The following SDK1 variants were observed in gnomAD, a reference collection of about 807,000 sequenced individuals.
The protein encoded by SDK1 is sidekick cell adhesion molecule 1.
In SDK1, 157 loss-of-function variants were observed where a neutral mutation model predicts 245.5. The ratio of observed to expected loss-of-function variants is 0.64; its 90% confidence interval spans 0.56 to 0.73. The LOEUF is 0.73. Among genes scored for constraint, SDK1 ranks in the 30% least tolerant of loss-of-function variants. SDK1 has a pLI of 0.00. For missense variants in SDK1, 3,583 were observed against 3,002.3 expected, an observed-to-expected ratio of 1.19 and a Z score of -4.52; for synonymous variants, 1,647 against 1,278.5, an observed-to-expected ratio of 1.29 and a Z score of -6.15.
intron 14 of SDK1, among the ~76,000 whole-genome samples, chr7:3,987,880 A>G (rs531524269): frequency 6.6e-6 from 1 of 151,968 alleles, no homozygotes; most frequent in Non-Finnish European, 1.5e-5. Context: ...TTCTCTTCCC[A>G]GCTGGCTGGG....
chr7:3,606,904 A>G (rs1781442460), intron 1 of SDK1, among the ~76,000 whole-genome samples: 1 of 152,224 alleles, frequency 6.6e-6, no homozygotes, highest in South Asian at 2.1e-4. Context: ...AAAGTTATGT[A>G]CAACACTGAA....
At chr7:3,974,566 T>C (rs965529074) in intron 13 of SDK1, 21 bp downstream of exon 13, 1 of 1,606,918 alleles carries the variant, frequency 6.2e-7, no homozygotes, top group Non-Finnish European at 8.5e-7. Flanking sequence ...AGACGTTTGG[T>C]GTTAGCCAGT....
intron 1 of SDK1, among the ~76,000 whole-genome samples, chr7:3,356,872 A>G (rs917899226): frequency 2.6e-5 from 4 of 151,974 alleles, no homozygotes; most frequent in Admixed American, 6.6e-5. Flanking sequence ...CCTGACCAAC[A>G]TGGTGAAACC....
rs35098340 is a variant in SDK1 at position 3,320,817 on chromosome 7, CA to C, written c.298+18940del. Among the ~76,000 whole-genome samples the C allele has an allele frequency of 2.0e-5, 3 of 151,750 alleles. No homozygotes were observed. The South Asian group carries it at 6.3e-4, about 32-fold the overall frequency. ...TTTATAATATAGTGATAAGCTTGAC[CA>C]AAAAAATGTTTAACAATTTTGGTAT... On this transcript the variant is annotated intron_variant, in intron 1 of 44. Transcript: ENST00000404826.
chr7:3,618,784 G>T (rs1013608672), intron 1 of SDK1, among the ~76,000 whole-genome samples: 4 of 152,220 alleles, frequency 2.6e-5, no homozygotes, highest in Non-Finnish European at 5.9e-5. Context: ...TATGTACAGG[G>T]ATTGTCCGAT....
rs577558550 is a variant in SDK1, at chr7:3,362,985, C to G, written c.298+61101C>G. ...AAATAATACAGAGAAATCCTCTGCC[C>G]CCTTCATCAGTTTCCCCTTATGGTG... On this transcript the variant is annotated intron_variant, in intron 1 of 44. Transcript: ENST00000404826. Among the ~76,000 whole-genome samples the G allele has an allele frequency of 4.6e-5, 7 of 152,226 alleles. No homozygotes were observed. In the South Asian group the frequency reaches 1.4e-3, roughly 32 times the overall value.
chr7:4,130,404 C>T (rs917481623), intron 27 of SDK1: 33 of 378,778 alleles, frequency 8.7e-5, no homozygotes, highest in African/African-American at 5.3e-4. Context: ...CAGCTGTGGA[C>T]GCTCCTCTTG....
intron 1 of SDK1, among the ~76,000 whole-genome samples, chr7:3,572,628 G>A (rs1160651667): frequency 2.6e-5 from 4 of 151,956 alleles, no homozygotes; most frequent in African/African-American, 9.7e-5. Context: ...ATTCTGACGA[G>A]CTTTACTCAG....
chr7:4,237,413 A>T (rs923000521), intron 41 of SDK1, among the ~76,000 whole-genome samples: 2 of 152,034 alleles, frequency 1.3e-5, no homozygotes, highest in African/African-American at 2.4e-5. Flanking sequence ...CTGATCCCAC[A>T]GAAAAGGTGG....
At chr7:3,590,653 C>A (rs1340581537) in intron 1 of SDK1, among the ~76,000 whole-genome samples, 2 of 152,146 alleles carry the variant, frequency 1.3e-5, no homozygotes, top group Non-Finnish European at 2.9e-5. Flanking sequence ...CCTCCAGTTC[C>A]TTTTAATAGT....
intron 35 of SDK1, among the ~76,000 whole-genome samples, chr7:4,196,031 C>T (rs1444683174): frequency 2.0e-5 from 3 of 152,212 alleles, no homozygotes; most frequent in Non-Finnish European, 2.9e-5. Flanking sequence ...TTCAGTCCCT[C>T]AAAGCTTACC....
At chr7:4,008,538 C>A (rs1244357734) in intron 14 of SDK1, among the ~76,000 whole-genome samples, 1 of 151,860 alleles carries the variant, frequency 6.6e-6, no homozygotes, top group African/African-American at 2.4e-5. Flanking sequence ...GTTGGCTGAA[C>A]CTTTGATTTT....
At chr7:3,913,214 G>A (rs930565301) in intron 5 of SDK1, among the ~76,000 whole-genome samples, 1 of 152,086 alleles carries the variant, frequency 6.6e-6, no homozygotes, top group Non-Finnish European at 1.5e-5. Flanking sequence ...AAGCGTACCT[G>A]GTTCTCTAGA....
chr7:3,769,866 A>G (rs759328640), intron 4 of SDK1, among the ~76,000 whole-genome samples: 2 of 151,578 alleles, frequency 1.3e-5, no homozygotes, highest in African/African-American at 2.4e-5. Flanking sequence ...CTTGTTCACA[A>G]TAGGTACTAA....
chr7:4,042,775 A>G (rs1286134108), intron 17 of SDK1, among the ~76,000 whole-genome samples: 2 of 152,320 alleles, frequency 1.3e-5, no homozygotes, highest in East Asian at 3.9e-4. Flanking sequence ...TGTAACCCTC[A>G]ATAATTAAGA....
At chr7:3,352,722 C>A (rs1562434494) in intron 1 of SDK1, among the ~76,000 whole-genome samples, 2 of 150,896 alleles carry the variant, frequency 1.3e-5, no homozygotes, top group Non-Finnish European at 3.0e-5. Flanking sequence ...AGAGATTTTT[C>A]TTTTTTTTTC....
At chr7:3,634,014 C>T (rs1224299818) in intron 2 of SDK1, among the ~76,000 whole-genome samples, 3 of 152,142 alleles carry the variant, frequency 2.0e-5, no homozygotes, top group African/African-American at 4.8e-5. Context: ...GATGAGTTCT[C>T]CTTTAGCCCT....
intron 1 of SDK1, among the ~76,000 whole-genome samples, chr7:3,501,145 G>T (rs1401888779): frequency 6.6e-6 from 1 of 152,142 alleles, no homozygotes; most frequent in Non-Finnish European, 1.5e-5. Flanking sequence ...GCAGATTAAA[G>T]ATCTGGGCAT....
chr7:3,588,867 C>T (rs946385558), intron 1 of SDK1, among the ~76,000 whole-genome samples: 9 of 152,138 alleles, frequency 5.9e-5, no homozygotes, highest in African/African-American at 2.2e-4. Context: ...ATTTACTCTG[C>T]TTTCCTTTCT....
Sources: allele counts gnomAD v4.1 joint callset (sites outside exome capture counted in the v4.1 genomes callset), GRCh38; gene constraint gnomAD v4.1.1; transcripts MANE v1.5; gene names NCBI Gene and HGNC (gene_info 2026-07-23, HGNC 2026-07-21).